Variants in SLC39A12 observed in about 807,000 individuals in gnomAD.
SLC39A12 encodes the protein zinc transporter ZIP12.
Under a neutral mutation model 71.1 loss-of-function variants are expected in SLC39A12, and 63 were observed. The ratio of observed to expected loss-of-function variants is 0.89; its 90% CI spans 0.72 to 1.09. SLC39A12 has a LOEUF of 1.09. Among genes scored for constraint, SLC39A12 ranks in the 50% least tolerant of loss-of-function variants. The probability of loss-of-function intolerance (pLI) is 0.00; values close to 1 mark genes in which losing one functional copy is unlikely to be tolerated. For missense variants in SLC39A12, 892 were observed against 812.6 expected, an observed-to-expected ratio of 1.10 and a Z score of -1.19; for synonymous variants, 351 against 301.3, an observed-to-expected ratio of 1.16 and a Z score of -1.71.
In SLC39A12 at chr10:17,981,464, G is replaced by T. The variant is rs1482842708; in HGVS notation, c.1077G>T (p.Leu359=). 6 of 1,613,020 alleles carry T rather than the reference G, an allele frequency of 3.7e-6. No individual in the cohort carries two copies. In the South Asian group the frequency reaches 4.4e-5, roughly 12 times the overall value. Residue 359 remains leucine (L), a synonymous_variant, in exon 6 of 13, where the codon CTG becomes CTT. Coordinates refer to ENST00000377369, the MANE Select transcript of SLC39A12 (RefSeq NM_001145195.2). ...TACCCAAGGACCAACAAGCAAAGCTGCCACCTACCACTCTGGAGAGTAAGT... is the reference window on the plus strand; with the variant it reads ...TACCCAAGGACCAACAAGCAAAGCTTCCACCTACCACTCTGGAGAGTAAGT... ...CHLPKDQQAK[L]PPTTLEKYGY... is the part of the protein sequence containing the mutation.
chr10:17,998,091 T>C (rs1018497114), intron 10 of SLC39A12, among the ~76,000 whole-genome samples: 47 of 152,200 alleles, frequency 3.1e-4, no homozygotes, highest in African/African-American at 1.1e-3. Flanking sequence ...CTCTGCCTCC[T>C]GGGTTTAAGC....
chr10:18,021,156 A>G (rs1218599932), intron 12 of SLC39A12, among the ~76,000 whole-genome samples: 1 of 151,954 alleles, frequency 6.6e-6, no homozygotes, highest in African/African-American at 2.4e-5. Context: ...ATATGGTGAA[A>G]GGGGAGGGTC....
chr10:18,041,372 T>C (rs1837219724), intron 12 of SLC39A12, among the ~76,000 whole-genome samples: 1 of 151,720 alleles, frequency 6.6e-6, no homozygotes, highest in Non-Finnish European at 1.5e-5. Context: ...AGCACATGCC[T>C]GTAGTCCTAG....
intron 12 of SLC39A12, among the ~76,000 whole-genome samples, chr10:18,039,614 G>C (rs1837163203): frequency 6.6e-6 from 1 of 152,114 alleles, no homozygotes; most frequent in Non-Finnish European, 1.5e-5. Flanking sequence ...TGCAGTCTTA[G>C]CTACCCAGGA....
intron 12 of SLC39A12, among the ~76,000 whole-genome samples, chr10:18,037,649 A>G (rs1338957842): frequency 6.6e-6 from 1 of 152,210 alleles, no homozygotes; most frequent in Non-Finnish European, 1.5e-5. Context: ...GATGTAAATG[A>G]AAGGCAAATA....
chr10:17,964,936 G>A lies in SLC39A12; in HGVS notation c.544-547G>A, dbSNP rs373368215. On this transcript the variant is annotated intron_variant, in intron 3 of 12. Coordinates refer to ENST00000377369, the MANE Select transcript of SLC39A12 (RefSeq NM_001145195.2). ...TAAGAGGATAGTCAGGCTGGGTGTG[G>A]TGGCTTATGCCTGTAATCCCGGCAC... Among the ~76,000 whole-genome samples the A allele has an allele frequency of 1.1e-4, 17 of 152,354 alleles. No individual in the cohort carries two copies. In the East Asian group the frequency reaches 3.3e-3, roughly 29 times the overall value.
intron 3 of SLC39A12, among the ~76,000 whole-genome samples, chr10:17,962,316 C>G (rs559958793): frequency 6.6e-6 from 1 of 152,298 alleles, no homozygotes; most frequent in Admixed American, 6.5e-5. Context: ...TTGCAAAAAG[C>G]ATTACTCATG....
intron 12 of SLC39A12, 79 bp from the exon 13 acceptor site, chr10:18,042,626 C>A: frequency 1.4e-6 from 2 of 1,410,838 alleles, no homozygotes; most frequent in Non-Finnish European, 1.9e-6. Context: ...GAATAACAGT[C>A]GCTCATGTTT....
intron 6 of SLC39A12, among the ~76,000 whole-genome samples, chr10:17,986,048 C>T (rs2130816802): frequency 6.6e-6 from 1 of 152,282 alleles, no homozygotes; most frequent in South Asian, 2.1e-4. Flanking sequence ...GAAGGAAGTT[C>T]TTCCAAAACG....
At chr10:18,000,859 T>C (rs1439750090) in intron 11 of SLC39A12, 34 bp downstream of exon 11, 2 of 1,593,226 alleles carry the variant, frequency 1.3e-6, no homozygotes, top group African/African-American at 2.7e-5. Context: ...GTTTCTGGCC[T>C]GTTGAGAAAG....
chr10:17,981,618 C>T, intron 6 of SLC39A12, 135 bp downstream of exon 6: 1 of 662,362 alleles, frequency 1.5e-6, no homozygotes, highest in Non-Finnish European at 2.4e-6. Flanking sequence ...ATCCTCCTAA[C>T]AATGCTACAA....
intron 12 of SLC39A12, among the ~76,000 whole-genome samples, chr10:18,036,808 T>A (rs1301808644): frequency 8.1e-6 from 1 of 123,442 alleles, no homozygotes; most frequent in Non-Finnish European, 1.6e-5. Flanking sequence ...TTTTTTTTAA[T>A]GGAATCTCAC....
At chr10:17,963,610 G>T (rs1342862681) in intron 3 of SLC39A12, among the ~76,000 whole-genome samples, 1 of 152,256 alleles carries the variant, frequency 6.6e-6, no homozygotes, top group Admixed American at 6.5e-5. Flanking sequence ...CCTGGGAAGG[G>T]TCCATGAGCT....
intron 12 of SLC39A12, among the ~76,000 whole-genome samples, chr10:18,016,227 A>G (rs115438703): frequency 0.013 from 2,021 of 152,220 alleles, 48 homozygotes; most frequent in African/African-American, 0.046. Flanking sequence ...CCTGTCAACC[A>G]CTACTATTTT....
chr10:17,988,927 G>T (rs940874662), intron 7 of SLC39A12, among the ~76,000 whole-genome samples: 1 of 152,012 alleles, frequency 6.6e-6, no homozygotes, highest in African/African-American at 2.4e-5. Flanking sequence ...TTATACCCTT[G>T]ACCCTGCCCA....
intron 12 of SLC39A12, among the ~76,000 whole-genome samples, chr10:18,024,174 G>T (rs539376155): frequency 6.6e-6 from 1 of 152,104 alleles, no homozygotes; most frequent in Non-Finnish European, 1.5e-5. Context: ...GTTGGTGAAA[G>T]TGAGGCCTGT....
intron 12 of SLC39A12, among the ~76,000 whole-genome samples, chr10:18,030,060 C>T (rs1158819083): frequency 6.6e-6 from 1 of 150,454 alleles, no homozygotes; most frequent in African/African-American, 2.4e-5. Context: ...CATAATCATA[C>T]TAAAAAGAGC....
At chr10:17,952,547 G>T (rs1834430302) in intron 1 of SLC39A12, among the ~76,000 whole-genome samples, 2 of 148,842 alleles carry the variant, frequency 1.3e-5, no homozygotes, top group Non-Finnish European at 3.0e-5. Flanking sequence ...GAGTGCAGTG[G>T]CACGATCTTG....
rs1834457179 is a variant in SLC39A12, at chr10:17,953,421, G to A, written c.145G>A (p.Val49Ile). The A allele has an allele frequency of 1.2e-6, 2 of 1,614,188 alleles. No homozygotes were observed. The highest frequency in any genetic ancestry group is 1.1e-5 in the South Asian group (1 of 91,078). Residue 49 changes from valine to isoleucine, a missense_variant, in exon 2 of 13, where the codon GTT becomes ATT. Transcript: ENST00000377369. ...AGGCCAACCGGCAGACCTGCTACAG[G>A]TTCTCTCTGCTGGTGACCACCCACC... ...SSGQPADLLQ[V>I]LSAGDHPPHN...
Sources: allele counts gnomAD v4.1 joint callset (sites outside exome capture counted in the v4.1 genomes callset), GRCh38; gene constraint gnomAD v4.1.1; transcripts MANE v1.5; gene names NCBI Gene and HGNC (gene_info 2026-07-23, HGNC 2026-07-21).